Variants in DOCK10 observed in about 807,000 individuals in gnomAD.
The protein encoded by DOCK10 is dedicator of cytokinesis 10, also known as dedicator of cytokinesis protein 10.
A neutral mutation model predicts 280.1 loss-of-function variants in DOCK10; 145 were observed. The ratio of observed to expected loss-of-function variants is 0.52; its 90% CI spans 0.45 to 0.59. The LOEUF (loss-of-function observed/expected upper bound fraction) is 0.59. Ranked by LOEUF, DOCK10 falls within the 20% of genes least tolerant of loss-of-function variation. DOCK10 has a pLI of 0.00. For missense variants in DOCK10, 2,368 were observed against 2,651.7 expected (o/e 0.89, Z 2.35); for synonymous variants, 915 against 942.2 (o/e 0.97, Z 0.53).
At position 224,795,025 on chromosome 2, in the gene DOCK10, G is replaced by A; in HGVS notation, c.5008C>T (p.Gln1670Ter). Residue 1670 changes from glutamine (Q) to a stop codon, truncating the protein, a stop_gained, in exon 45 of 56, where the codon CAG becomes TAG. Transcript: ENST00000258390. LOFTEE classifies it high-confidence loss of function. ...GGGTCCTTCTCGTGCTCCTTCATCTGAGCTGTGGCCATCAAAACAGTCCTT... is the reference window on the plus strand; with the variant it reads ...GGGTCCTTCTCGTGCTCCTTCATCTAAGCTGTGGCCATCAAAACAGTCCTT... Reference protein sequence around the residue: ...RIRTVLMATAQMKEHEKDPEM... With the variant: ...RIRTVLMATA 6.2e-7 allele frequency: 1 copy of A among 1,613,932 alleles called. No individual in the cohort carries two copies. The highest frequency in any genetic ancestry group is 8.5e-7 in the Non-Finnish European group (1 of 1,179,860).
Position 224,799,893 on chromosome 2 carries a change from A to G in DOCK10, c.4506+258T>C, listed in dbSNP as rs543934436. On this transcript the variant is annotated intron_variant, in intron 41 of 55. Coordinates refer to ENST00000258390, the MANE Select transcript of DOCK10 (RefSeq NM_014689.3). Reference sequence around the variant, plus strand: ...TATCACTCAGCCCAGCTTGCCTGAGAGTGAAGCAAGATAAATGAGGAAGAA... The same window carrying G: ...TATCACTCAGCCCAGCTTGCCTGAGGGTGAAGCAAGATAAATGAGGAAGAA... Among the ~76,000 whole-genome samples the G allele has an allele frequency of 2.6e-4, 39 of 152,314 alleles. 1 individual carries two copies. The South Asian group carries it at 7.5e-3, about 29-fold the overall frequency.
intron 1 of DOCK10, among the ~76,000 whole-genome samples, chr2:225,030,376 G>GT (rs1318410852): frequency 1.3e-5 from 2 of 152,038 alleles, no homozygotes; most frequent in African/African-American, 4.8e-5. Flanking sequence ...TTTAGTAAGG[G>GT]TTTTTTAAAA....
chr2:224,895,355 G>A (rs1412086857), intron 4 of DOCK10, among the ~76,000 whole-genome samples: 1 of 152,164 alleles, frequency 6.6e-6, no homozygotes, highest in African/African-American at 2.4e-5. Flanking sequence ...CACTTGAGGA[G>A]AGTGTTAATA....
chr2:224,877,293 A>G (rs572173447), intron 7 of DOCK10, among the ~76,000 whole-genome samples: 1 of 152,324 alleles, frequency 6.6e-6, no homozygotes, highest in Admixed American at 6.5e-5. Flanking sequence ...TGACAAATAC[A>G]TGTCTCCCTT....
intron 27 of DOCK10, 78 bp downstream of exon 27, chr2:224,830,463 C>T: frequency 1.3e-6 from 1 of 761,652 alleles, no homozygotes; most frequent in Non-Finnish European, 1.9e-6. Context: ...AAATGGAACT[C>T]ATGACAGCAT....
chr2:224,817,660 C>T lies in DOCK10; in HGVS notation c.3268-947G>A, dbSNP rs144561123. 1.3e-3 allele frequency among the ~76,000 whole-genome samples: 194 copies of T among 152,126 alleles called. 3 individuals are homozygous for T. The East Asian group carries it at 0.019, about 15-fold the overall frequency. ...GAAAATACATAATTTAGGTCTGCTG[C>T]AATTAAATGGATATTCTGCAAATTT... On this transcript the variant is annotated intron_variant, in intron 29 of 55. Coordinates refer to ENST00000258390, the MANE Select transcript of DOCK10 (RefSeq NM_014689.3).
At chr2:224,843,228 G>A (rs1696093086) in intron 22 of DOCK10, among the ~76,000 whole-genome samples, 1 of 152,138 alleles carries the variant, frequency 6.6e-6, no homozygotes, top group Admixed American at 6.6e-5. Context: ...GGGTCTTGCG[G>A]GAACTAGGTG....
At chr2:224,909,716 T>A (rs1386018265) in intron 3 of DOCK10, among the ~76,000 whole-genome samples, 2 of 150,328 alleles carry the variant, frequency 1.3e-5, no homozygotes, top group African/African-American at 4.9e-5. Flanking sequence ...TAGTAATACC[T>A]ATTTCACAGA....
At chr2:224,937,683 G>A (rs551418578) in intron 1 of DOCK10, among the ~76,000 whole-genome samples, 1 of 152,146 alleles carries the variant, frequency 6.6e-6, no homozygotes, top group South Asian at 2.1e-4. Flanking sequence ...TACCTAATTA[G>A]CATATCAGCA....
chr2:224,886,994 C>T (rs1221239915), intron 4 of DOCK10, among the ~76,000 whole-genome samples: 3 of 151,846 alleles, frequency 2.0e-5, no homozygotes, highest in African/African-American at 7.3e-5. Context: ...AACTCCTGGC[C>T]TCAAACTATC....
At chr2:224,932,713 ACT>A (rs1196515558) in intron 1 of DOCK10, among the ~76,000 whole-genome samples, 2 of 151,516 alleles carry the variant, frequency 1.3e-5, no homozygotes, top group Non-Finnish European at 2.9e-5. Flanking sequence ...TCCCCACCAA[ACT>A]CTTCCTTCCC....
At chr2:224,933,908 T>A (rs1702539554) in intron 1 of DOCK10, among the ~76,000 whole-genome samples, 1 of 152,208 alleles carries the variant, frequency 6.6e-6, no homozygotes, top group Non-Finnish European at 1.5e-5. Flanking sequence ...AAATCCAGCA[T>A]TATTTAAGGA....
intron 52 of DOCK10, 119 bp from the exon 53 acceptor site, chr2:224,773,466 A>G: frequency 1.2e-6 from 1 of 845,168 alleles, no homozygotes; most frequent in Non-Finnish European, 1.8e-6. Flanking sequence ...TCCATTCTGC[A>G]TGCTTTTCAT....
At chr2:225,001,809 T>C (rs2126285870) in intron 1 of DOCK10, among the ~76,000 whole-genome samples, 1 of 152,286 alleles carries the variant, frequency 6.6e-6, no homozygotes, top group African/African-American at 2.4e-5. Context: ...TGGCATCTCC[T>C]TGGTTTGTCC....
At chr2:225,005,651 T>C (rs974542646) in intron 1 of DOCK10, among the ~76,000 whole-genome samples, 1 of 152,214 alleles carries the variant, frequency 6.6e-6, no homozygotes, top group Admixed American at 6.5e-5. Context: ...CAAAATTAAA[T>C]AAATGTTGCC....
intron 3 of DOCK10, among the ~76,000 whole-genome samples, chr2:224,897,969 G>A (rs1189233037): frequency 6.6e-6 from 1 of 152,058 alleles, no homozygotes; most frequent in African/African-American, 2.4e-5. Context: ...GGGATTATAT[G>A]AACACCTGTT....
At chr2:224,936,279 T>C (rs1048308979) in intron 1 of DOCK10, among the ~76,000 whole-genome samples, 5 of 152,188 alleles carry the variant, frequency 3.3e-5, no homozygotes, top group Admixed American at 2.0e-4. Context: ...TAATTGGCTT[T>C]TCTTTTTGGA....
At chr2:224,997,131 T>C (rs545614273) in intron 1 of DOCK10, among the ~76,000 whole-genome samples, 1 of 152,282 alleles carries the variant, frequency 6.6e-6, no homozygotes, top group South Asian at 2.1e-4. Flanking sequence ...TATTTCCATG[T>C]TTCTGTCTTC....
chr2:224,787,533 G>T, intron 48 of DOCK10, 136 bp from the exon 49 acceptor site: 2 of 1,086,446 alleles, frequency 1.8e-6, no homozygotes, highest in African/African-American at 1.6e-5. Flanking sequence ...GGGGATCGTG[G>T]TGTCATCTTG....
Sources: allele counts gnomAD v4.1 joint callset (sites outside exome capture counted in the v4.1 genomes callset), GRCh38; gene constraint gnomAD v4.1.1; transcripts MANE v1.5; gene names NCBI Gene and HGNC (gene_info 2026-07-23, HGNC 2026-07-21).